The following COG5 variants were observed in gnomAD, a reference collection of about 807,000 sequenced individuals.
The protein encoded by COG5 is component of oligomeric golgi complex 5.
In COG5, 86 loss-of-function variants were observed where a neutral mutation model predicts 110.4. The observed-to-expected ratio is 0.78, with a 90% CI of 0.65 to 0.93. The LOEUF (loss-of-function observed/expected upper bound fraction) is 0.93. Ranked by LOEUF, COG5 falls within the 40% of genes least tolerant of loss-of-function variation. The probability of loss-of-function intolerance (pLI) is 0.00; values close to 1 mark genes in which losing one functional copy is unlikely to be tolerated. For synonymous variants in COG5, 360 were observed against 334.6 expected, an observed-to-expected ratio of 1.08 and a Z score of -0.83; for missense variants, 1,077 against 987.0, an observed-to-expected ratio of 1.09 and a Z score of -1.22.
At chr7:107,310,115 T>A (rs1041079487) in intron 11 of COG5, among the ~76,000 whole-genome samples, 1 of 152,228 alleles carries the variant, frequency 6.6e-6, no homozygotes, top group Admixed American at 6.5e-5. Flanking sequence ...TCCCCTCATT[T>A]CTTTTTATAG....
At chr7:107,561,856 G>T (rs1282968657) in intron 1 of COG5, among the ~76,000 whole-genome samples, 1 of 152,120 alleles carries the variant, frequency 6.6e-6, no homozygotes, top group East Asian at 1.9e-4. Context: ...GGCGCTTGTA[G>T]TCCCAGCTTC....
At chr7:107,208,383 G>T (rs1798921549) in intron 21 of COG5, 1 of 985,430 alleles carries the variant, frequency 1.0e-6, no homozygotes, top group South Asian at 4.7e-5. Context: ...ACAGATTTGT[G>T]ATGTACACAC....
At chr7:107,368,640 T>C (rs781085176) in intron 8 of COG5, among the ~76,000 whole-genome samples, 2 of 152,202 alleles carry the variant, frequency 1.3e-5, no homozygotes, top group Non-Finnish European at 2.9e-5. Flanking sequence ...CATTTACCCT[T>C]CTATAACATA....
At chr7:107,210,739 A>AG (rs1318835171) in intron 20 of COG5, 134 bp from the exon 21 acceptor site, 4 of 996,534 alleles carry the variant, frequency 4.0e-6, no homozygotes, top group Non-Finnish European at 6.1e-6. Context: ...GGAAGTGTGA[A>AG]GGGGGCATAG....
intron 1 of COG5, 134 bp downstream of exon 1, chr7:107,563,669 C>A: frequency 1.0e-6 from 1 of 971,070 alleles, no homozygotes; most frequent in Admixed American, 1.9e-5. Context: ...AGCCAGGGGG[C>A]CGGGCGGAGG....
In COG5 at chr7:107,475,556, T is replaced by C. The variant is rs1322296280; in HGVS notation, c.538+51681A>G. On this transcript the variant is annotated intron_variant, in intron 6 of 21. Transcript: ENST00000297135. ...ACTTAATGTATTTGTTGCATGGCAGTTTGTTAAAGTACTATCATGTGTATA... is the reference window on the plus strand; with the variant it reads ...ACTTAATGTATTTGTTGCATGGCAGCTTGTTAAAGTACTATCATGTGTATA... The C allele has an allele frequency of 3.7e-5, 17 of 464,624 alleles. No homozygotes were observed. In the East Asian group the frequency reaches 5.0e-4, roughly 14 times the overall value. The allele number at this position is 464,624 out of a possible 1,614,324, so 28.8% of individuals were successfully genotyped here.
intron 6 of COG5, among the ~76,000 whole-genome samples, chr7:107,413,413 T>C (rs1469899220): frequency 6.6e-6 from 1 of 151,966 alleles, no homozygotes; most frequent in Non-Finnish European, 1.5e-5. Context: ...AACAACATGC[T>C]AGATTTGCAG....
At chr7:107,360,114 C>T (rs1812978188) in intron 10 of COG5, among the ~76,000 whole-genome samples, 2 of 152,182 alleles carry the variant, frequency 1.3e-5, no homozygotes, top group Non-Finnish European at 2.9e-5. Flanking sequence ...GCATGGATGT[C>T]GGGATGACCA....
chr7:107,522,764 G>A (rs1004611276), intron 6 of COG5, among the ~76,000 whole-genome samples: 1 of 152,108 alleles, frequency 6.6e-6, no homozygotes, highest in African/African-American at 2.4e-5. Flanking sequence ...TCACTGTTTT[G>A]CATATTGAGA....
At chr7:107,482,184 C>T (rs1195372178) in intron 6 of COG5, among the ~76,000 whole-genome samples, 2 of 151,620 alleles carry the variant, frequency 1.3e-5, no homozygotes, top group African/African-American at 4.8e-5. Context: ...CTCTCTCACC[C>T]AGGTTGGGGT....
At position 107,240,685 on chromosome 7, in the gene COG5, A is replaced by G. The variant is rs1362102172; in HGVS notation, c.1854-3998T>C. 2.6e-5 allele frequency among the ~76,000 whole-genome samples: 4 copies of G among 152,240 alleles called. No homozygotes were observed. In the East Asian group the frequency reaches 5.8e-4, roughly 22 times the overall value. ...TCCCTGGGGGCTGGCCCTAAAATAAAGGCAATTTCTGCTTCTTGACTAATC... is the reference window on the plus strand; with the variant it reads ...TCCCTGGGGGCTGGCCCTAAAATAAGGGCAATTTCTGCTTCTTGACTAATC... On this transcript the variant is annotated intron_variant, in intron 17 of 21. Transcript: ENST00000297135.
At chr7:107,489,915 C>A (rs1197452117) in intron 6 of COG5, among the ~76,000 whole-genome samples, 1 of 152,060 alleles carries the variant, frequency 6.6e-6, no homozygotes, top group Non-Finnish European at 1.5e-5. Flanking sequence ...ATAGCATCTA[C>A]CTCACAGAGT....
chr7:107,209,271 CAGA>C, intron 21 of COG5: 1 of 981,156 alleles, frequency 1.0e-6, no homozygotes, highest in East Asian at 1.1e-4. Context: ...ATAAGGATGA[CAGA>C]GGAGTTGAAT....
At chr7:107,432,742 G>A (rs564186882) in intron 6 of COG5, among the ~76,000 whole-genome samples, 3 of 152,102 alleles carry the variant, frequency 2.0e-5, no homozygotes, top group African/African-American at 7.2e-5. Flanking sequence ...ACTATAAAAA[G>A]TCCAGGGATG....
rs1465217212 is a variant in COG5, at chr7:107,283,570, C to T, written c.1475+1G>A. ...CAAGCCACTATATAAAAAATACATA[C>T]CTTGCTATAGTTTTAATAATACCAT... On this transcript the variant is annotated splice_donor_variant, in intron 13 of 21. Coordinates refer to ENST00000297135, the MANE Select transcript of COG5 (RefSeq NM_006348.5). LOFTEE classifies it high-confidence loss of function. 3.7e-6 allele frequency: 6 copies of T among 1,613,058 alleles called. No individual in the cohort carries two copies. The highest frequency in any genetic ancestry group is 1.7e-5 in the Admixed American group (1 of 59,982).
chr7:107,274,768 A>G (rs1450812870), intron 14 of COG5, among the ~76,000 whole-genome samples: 1 of 152,156 alleles, frequency 6.6e-6, no homozygotes, highest in Non-Finnish European at 1.5e-5. Context: ...TATAACTAAT[A>G]CAGACTTTGA....
intron 19 of COG5, among the ~76,000 whole-genome samples, chr7:107,226,761 A>G (rs796181344): frequency 6.6e-6 from 1 of 152,198 alleles, no homozygotes; most frequent in Non-Finnish European, 1.5e-5. Context: ...TGATCCAGTT[A>G]ATCCTAATCC....
At chr7:107,228,187 G>C (rs979792383) in intron 19 of COG5, among the ~76,000 whole-genome samples, 1 of 151,506 alleles carries the variant, frequency 6.6e-6, no homozygotes, top group African/African-American at 2.4e-5. Context: ...TGTAGTCCCA[G>C]TTACTCAGGA....
intron 6 of COG5, chr7:107,471,701 G>C (rs1796642996): frequency 6.6e-6 from 1 of 151,944 alleles, no homozygotes; most frequent in African/African-American, 2.4e-5. Flanking sequence ...AATGAAACAT[G>C]AATTTCCAAA....
Sources: allele counts gnomAD v4.1 joint callset (sites outside exome capture counted in the v4.1 genomes callset), GRCh38; gene constraint gnomAD v4.1.1; transcripts MANE v1.5; gene names NCBI Gene and HGNC (gene_info 2026-07-23, HGNC 2026-07-21).